Variants in NDUFAB1 observed in about 807,000 individuals in gnomAD.
The protein encoded by NDUFAB1 is acyl carrier protein, mitochondrial.
Under a neutral mutation model 16.1 loss-of-function variants are expected in NDUFAB1, and 5 were observed. That is an observed-to-expected ratio of 0.31 (90% CI 0.16 to 0.65). The LOEUF is 0.65. NDUFAB1 is among the 30% of genes least tolerant of loss of function. NDUFAB1 has a pLI of 0.77. For missense variants in NDUFAB1, 187 were observed against 205.3 expected (o/e 0.91, Z 0.54); for synonymous variants, 85 against 78.4 (o/e 1.08, Z -0.44).
chr16:23,590,639 T>TATTTC (rs1555507748), intron 1 of NDUFAB1, among the ~76,000 whole-genome samples: 2 of 86,648 alleles, frequency 2.3e-5, no homozygotes, highest in Non-Finnish European at 4.5e-5. Flanking sequence ...CTCTGGTCTC[T>TATTTC]TTTTTTTTTT....
chr16:23,594,751 G>A (rs1404856355), intron 1 of NDUFAB1, among the ~76,000 whole-genome samples: 1 of 150,000 alleles, frequency 6.7e-6, no homozygotes, highest in African/African-American at 2.4e-5. Flanking sequence ...GCCTCCCAAA[G>A]TGCTGGGATT....
chr16:23,590,702 C>A (rs1365363300), intron 1 of NDUFAB1, among the ~76,000 whole-genome samples: 1 of 146,146 alleles, frequency 6.8e-6, no homozygotes, highest in Non-Finnish European at 1.5e-5. Flanking sequence ...AGTGTTGTGA[C>A]CTTGGCTCAC....
intron 3 of NDUFAB1, among the ~76,000 whole-genome samples, chr16:23,582,703 GCTCCCT>G (rs1194899365): frequency 2.1e-5 from 3 of 145,488 alleles, no homozygotes; most frequent in Non-Finnish European, 4.5e-5. Flanking sequence ...AAGAAACCCA[GCTCCCT>G]CTCCCTCTCC....
intron 2 of NDUFAB1, among the ~76,000 whole-genome samples, chr16:23,586,492 G>C (rs1025619753): frequency 6.6e-6 from 1 of 151,198 alleles, no homozygotes. Context: ...CTGCCACCAC[G>C]CCTGTCTAAT....
At chr16:23,593,849 C>CTCAT (rs1966299038) in intron 1 of NDUFAB1, among the ~76,000 whole-genome samples, 1 of 143,520 alleles carries the variant, frequency 7.0e-6, no homozygotes, top group Admixed American at 7.0e-5. Context: ...CTTTTTAACC[C>CTCAT]TTATTTATTT....
chr16:23,593,009 A>G (rs1043952483), intron 1 of NDUFAB1, among the ~76,000 whole-genome samples: 9 of 152,220 alleles, frequency 5.9e-5, no homozygotes, highest in African/African-American at 2.2e-4. Context: ...TTTAAGGGTT[A>G]GGCACACCAG....
intron 4 of NDUFAB1, 85 bp from the exon 5 acceptor site, chr16:23,581,258 G>A (rs1272702320): frequency 6.6e-6 from 1 of 152,208 alleles, no homozygotes; most frequent in Non-Finnish European, 1.5e-5. Flanking sequence ...TAAAAATGCA[G>A]CCTCTGGCTG....
Position 23,596,265 on chromosome 16 carries a change from T to G in NDUFAB1, c.26A>C (p.Tyr9Ser), listed in dbSNP as rs930518354. The G allele has an allele frequency of 1.9e-6, 3 of 1,587,512 alleles. No homozygotes were observed. Among genetic ancestry groups the G allele is most frequent in the Non-Finnish European group, 2.6e-6 (3 of 1,168,656 alleles). Residue 9 changes from tyrosine (Y) to serine (S), a missense_variant, in exon 1 of 5, where the codon TAT becomes TCT. Coordinates refer to ENST00000007516, the MANE Select transcript of NDUFAB1 (RefSeq NM_005003.3). Reference protein sequence around the residue: MASRVLSAYVSRLPAAFAP... With the variant: MASRVLSASVSRLPAAFAP... ...AAAGGCCGCGGGCAGGCGGCTGACA[T>G]AGGCTGAAAGGACACGAGACGCCAT...
Position 23,582,384 on chromosome 16 carries a change from A to G in NDUFAB1, c.380-9T>C, listed in dbSNP as rs1433797115. The G allele has an allele frequency of 3.2e-6, 5 of 1,554,840 alleles. No individual in the cohort carries two copies. Among genetic ancestry groups the G allele is most frequent in the African/African-American group, 1.4e-5 (1 of 72,390 alleles). ...ATCAGGAATTTCAAACCCTAAAAGA[A>G]AAATATACAACAATGTGAGAGAGTT... On this transcript the variant is annotated splice_polypyrimidine_tract_variant and intron_variant, in intron 3 of 4. Coordinates refer to ENST00000007516, the MANE Select transcript of NDUFAB1 (RefSeq NM_005003.3).
In NDUFAB1 at chr16:23,587,255, C is replaced by T. The variant is rs1966241410; in HGVS notation, c.233G>A (p.Gly78Asp). The change falls in exon 2 of 5, where the codon GGC becomes GAC. Residue 78 changes from glycine to aspartate, a missense_variant. By Grantham distance (94) the Gly-to-Asp change is moderately conservative. This residue lies in a region of NDUFAB1 where 135 missense variants were observed against 129.4 expected (regional missense o/e 1.04). Coordinates refer to ENST00000007516, the MANE Select transcript of NDUFAB1 (RefSeq NM_005003.3). ...TACGTAAAGAACACGGTCCTGGATG[C>T]CCTCTAACGTCAAAGGAGGCATGTC... is the stretch of plus-strand genomic sequence containing the variant. ...YSDMPPLTLE[G>D]IQDRVLYVLK... The T allele has an allele frequency of 1.9e-6, 3 of 1,614,040 alleles. No homozygotes were observed. Among genetic ancestry groups the T allele is most frequent in the Non-Finnish European group, 1.7e-6 (2 of 1,179,934 alleles).
chr16:23,584,639 G>C (rs1966218332), intron 3 of NDUFAB1, among the ~76,000 whole-genome samples: 1 of 152,094 alleles, frequency 6.6e-6, no homozygotes, highest in South Asian at 2.1e-4. Context: ...GAGGAAACAG[G>C]CTTTGAGAGA....
intron 1 of NDUFAB1, among the ~76,000 whole-genome samples, chr16:23,591,581 G>T (rs558707931): frequency 8.2e-4 from 125 of 152,184 alleles, no homozygotes; most frequent in Non-Finnish European, 1.5e-3. Flanking sequence ...CGCCACCTGG[G>T]GCTTATTCCT....
intron 1 of NDUFAB1, chr16:23,595,656 G>C (rs1325815958): frequency 1.1e-5 from 5 of 458,632 alleles, no homozygotes; most frequent in South Asian, 7.7e-5. Context: ...GAAGAGTAAG[G>C]ACAGAACTGC....
At chr16:23,582,049 G>A (rs1364573711) in intron 4 of NDUFAB1, 3 of 369,078 alleles carry the variant, frequency 8.1e-6, no homozygotes, top group African/African-American at 2.1e-5. Flanking sequence ...TGTGAGGACA[G>A]CTGACAATCA....
chr16:23,591,783 C>T (rs1261515043), intron 1 of NDUFAB1, among the ~76,000 whole-genome samples: 10 of 152,208 alleles, frequency 6.6e-5, no homozygotes, highest in Non-Finnish European at 1.5e-5. Context: ...CACAGGCCTT[C>T]AAGATCACGT....
intron 1 of NDUFAB1, among the ~76,000 whole-genome samples, chr16:23,593,905 G>C (rs1966300575): frequency 6.6e-6 from 1 of 150,602 alleles, no homozygotes; most frequent in Non-Finnish European, 1.5e-5. Context: ...TATTGAGATG[G>C]AGTCTGGCTC....
At chr16:23,588,316 G>A (rs762034268) in intron 1 of NDUFAB1, among the ~76,000 whole-genome samples, 1 of 152,042 alleles carries the variant, frequency 6.6e-6, no homozygotes, top group East Asian at 1.9e-4. Context: ...TTAGCCAGGC[G>A]TGGTGGTGGG....
chr16:23,586,615 G>C (rs1966235506), intron 2 of NDUFAB1, among the ~76,000 whole-genome samples: 1 of 152,158 alleles, frequency 6.6e-6, no homozygotes. Context: ...TTACAGGCGT[G>C]AGCTACCACG....
chr16:23,593,063 G>A (rs1966293684), intron 1 of NDUFAB1, among the ~76,000 whole-genome samples: 1 of 152,224 alleles, frequency 6.6e-6, no homozygotes, highest in African/African-American at 2.4e-5. Context: ...GGGAGGCTGA[G>A]GCAGGAGGAT....
Sources: allele counts gnomAD v4.1 joint callset (sites outside exome capture counted in the v4.1 genomes callset), GRCh38; gene constraint gnomAD v4.1.1; regional missense constraint gnomAD v4.1.1; transcripts MANE v1.5; gene names NCBI Gene and HGNC (gene_info 2026-07-23, HGNC 2026-07-21).